Variants in FRMD6 observed in about 807,000 individuals in gnomAD.
FRMD6 encodes the protein FERM domain containing 6.
In FRMD6, 37 loss-of-function variants were observed where a neutral mutation model predicts 73.2. That is an observed-to-expected ratio of 0.51 (90% CI 0.39 to 0.66). The LOEUF (loss-of-function observed/expected upper bound fraction) is 0.66, where lower values mean the gene tolerates loss of function less well. Among genes scored for constraint, FRMD6 ranks in the 30% least tolerant of loss-of-function variants. The probability of loss-of-function intolerance (pLI) is 0.00; values close to 1 mark genes in which losing one functional copy is unlikely to be tolerated. For missense variants in FRMD6, 714 were observed against 780.5 expected (o/e 0.91, Z 1.02); for synonymous variants, 273 against 282.2 (o/e 0.97, Z 0.33).
chr14:51,646,452 T>G (rs1031853569), intron 2 of FRMD6, among the ~76,000 whole-genome samples: 7 of 150,812 alleles, frequency 4.6e-5, no homozygotes, highest in African/African-American at 1.7e-4. Flanking sequence ...GCCTGAGACA[T>G]AAGTCAAAGA....
the FRMD6 span, among the ~76,000 whole-genome samples, chr14:51,407,434 C>A: frequency 6.6e-6 from 1 of 150,782 alleles, no homozygotes; most frequent in African/African-American, 2.4e-5. Flanking sequence ...TTAGTGAAGC[C>A]ATCCAAATAT....
At chr14:51,693,652 C>A (rs1895755363) in intron 2 of FRMD6, among the ~76,000 whole-genome samples, 1 of 152,136 alleles carries the variant, frequency 6.6e-6, no homozygotes, top group Non-Finnish European at 1.5e-5. Context: ...TAAGTGAACC[C>A]TTGAGTGTCA....
intron 8 of FRMD6, among the ~76,000 whole-genome samples, chr14:51,712,209 C>T (rs1050158662): frequency 6.6e-6 from 1 of 152,148 alleles, no homozygotes; most frequent in African/African-American, 2.4e-5. Flanking sequence ...CTCTTGAATA[C>T]CTGAGTCCTT....
chr14:51,713,208 G>A (rs1255068805), intron 9 of FRMD6, among the ~76,000 whole-genome samples: 2 of 152,088 alleles, frequency 1.3e-5, no homozygotes, highest in East Asian at 3.9e-4. Context: ...TATAATCCCA[G>A]CCACTTTGGG....
chr14:51,661,000 T>G (rs943270228), intron 1 of FRMD6, among the ~76,000 whole-genome samples: 1 of 151,862 alleles, frequency 6.6e-6, no homozygotes, highest in Non-Finnish European at 1.5e-5. Flanking sequence ...GTAGATAAGG[T>G]TAGAGATGTT....
At chr14:51,480,565 C>T in the FRMD6 span, among the ~76,000 whole-genome samples, 1 of 152,082 alleles carries the variant, frequency 6.6e-6, no homozygotes, top group Non-Finnish European at 1.5e-5. Context: ...CTCTATGCAT[C>T]TCTGTGGTTC....
At chr14:51,667,743 A>G (rs1893706799) in intron 1 of FRMD6, among the ~76,000 whole-genome samples, 1 of 152,236 alleles carries the variant, frequency 6.6e-6, no homozygotes, top group East Asian at 1.9e-4. Context: ...ATTTAAGGAA[A>G]TTAAAATCAG....
intron 7 of FRMD6, among the ~76,000 whole-genome samples, chr14:51,710,769 T>G (rs562813837): frequency 6.6e-6 from 1 of 152,312 alleles, no homozygotes; most frequent in South Asian, 2.1e-4. Flanking sequence ...TATTTTGAAC[T>G]TTATACACTA....
rs1403389931 is a variant in FRMD6 at position 51,698,303 on chromosome 14, C to T, written c.190+71C>T. On this transcript the variant is annotated intron_variant, in intron 3 of 13. Coordinates refer to ENST00000344768, the MANE Select transcript of FRMD6 (RefSeq NM_001267046.2). ...AGGAAATGACATCTTATAGCTATAA[C>T]TTAAATTGGGCCTATTGTTATAAAA... is the stretch of plus-strand genomic sequence containing the variant. 4 of 999,802 alleles carry T rather than the reference C, an allele frequency of 4.0e-6. No individual in the cohort carries two copies. In the African/African-American group the frequency reaches 4.8e-5, roughly 12 times the overall value. 61.9% of individuals were successfully genotyped at this position (999,802 alleles called of 1,614,324 possible).
chr14:51,574,771 C>T (rs557963263), intron 2 of FRMD6, among the ~76,000 whole-genome samples: 2 of 151,972 alleles, frequency 1.3e-5, no homozygotes, highest in South Asian at 2.1e-4. Flanking sequence ...TACAACAGGG[C>T]GATTCTGATC....
chr14:51,556,018 C>T (rs894996387), intron 1 of FRMD6, among the ~76,000 whole-genome samples: 3 of 152,254 alleles, frequency 2.0e-5, no homozygotes, highest in Admixed American at 1.3e-4. Flanking sequence ...TTTGTACCTA[C>T]CTCAGCTACT....
At chr14:51,677,453 T>C (rs1320117296) in intron 1 of FRMD6, among the ~76,000 whole-genome samples, 1 of 152,112 alleles carries the variant, frequency 6.6e-6, no homozygotes, top group African/African-American at 2.4e-5. Context: ...TTGTGGAAAT[T>C]AGAAGCAGAT....
chr14:51,625,984 G>A (rs1187708398), intron 2 of FRMD6, among the ~76,000 whole-genome samples: 1 of 152,196 alleles, frequency 6.6e-6, no homozygotes, highest in Non-Finnish European at 1.5e-5. Context: ...AGTTGTAGTA[G>A]ACGCTCAATA....
intron 1 of FRMD6, among the ~76,000 whole-genome samples, chr14:51,666,045 A>G (rs1382024924): frequency 1.3e-5 from 2 of 152,252 alleles, no homozygotes; most frequent in African/African-American, 4.8e-5. Flanking sequence ...TTTAGCTTCC[A>G]GTGGGTGGTA....
At chr14:51,631,277 A>C (rs1319030064) in intron 2 of FRMD6, among the ~76,000 whole-genome samples, 2 of 152,220 alleles carry the variant, frequency 1.3e-5, no homozygotes, top group South Asian at 2.1e-4. Context: ...GGAACGGAGC[A>C]CTTACAAGAA....
chr14:51,632,993 C>T (rs554125697), intron 2 of FRMD6, among the ~76,000 whole-genome samples: 1 of 152,192 alleles, frequency 6.6e-6, no homozygotes, highest in East Asian at 1.9e-4. Context: ...GGTTATATAA[C>T]AAAATGGCAT....
At chr14:51,533,371 T>C (rs989342285) in intron 1 of FRMD6, among the ~76,000 whole-genome samples, 2 of 152,308 alleles carry the variant, frequency 1.3e-5, no homozygotes, top group East Asian at 3.9e-4. Flanking sequence ...TAAAAAAAGC[T>C]GGATAAAACA....
At chr14:51,652,158 T>C (rs1892455770) in intron 1 of FRMD6, 162 bp downstream of exon 1, 1 of 152,174 alleles carries the variant, frequency 6.6e-6, no homozygotes, top group Non-Finnish European at 1.5e-5. Flanking sequence ...AGTGCACCGC[T>C]CTCCGCCTCT....
At chr14:51,582,960 T>C (rs1888812842) in intron 2 of FRMD6, among the ~76,000 whole-genome samples, 1 of 152,216 alleles carries the variant, frequency 6.6e-6, no homozygotes, top group Admixed American at 6.5e-5. Context: ...ATTTTATCCT[T>C]TTATTCCACA....
Sources: gnomAD v4.1 joint callset for allele counts (sites outside exome capture counted in the v4.1 genomes callset) on GRCh38, gnomAD v4.1.1 for gene constraint, MANE v1.5 for transcripts, NCBI Gene and HGNC (gene_info 2026-07-23, HGNC 2026-07-21) for gene names.